The following ARHGAP24 variants were observed in gnomAD, a reference collection of about 807,000 sequenced individuals.
ARHGAP24 encodes the protein rho GTPase-activating protein 24.
ARHGAP24 carries 50 observed loss-of-function variants against 76.4 expected under a neutral mutation model. That is an observed-to-expected ratio of 0.65 (90% CI 0.52 to 0.83). The LOEUF is 0.83. Among genes scored for constraint, ARHGAP24 ranks in the 40% least tolerant of loss-of-function variants. ARHGAP24 has a pLI of 0.00. For missense variants in ARHGAP24, 930 were observed against 914.2 expected, an observed-to-expected ratio of 1.02 and a Z score of -0.22; for synonymous variants, 345 against 323.3, an observed-to-expected ratio of 1.07 and a Z score of -0.72.
intron 2 of ARHGAP24, among the ~76,000 whole-genome samples, chr4:85,607,590 A>T (rs1428076192): frequency 2.6e-5 from 4 of 151,828 alleles, no homozygotes; most frequent in African/African-American, 9.7e-5. Flanking sequence ...ATTTAGCTAT[A>T]TTCACATATA....
At chr4:85,973,163 A>C (rs1182822771) in intron 6 of ARHGAP24, among the ~76,000 whole-genome samples, 1 of 152,202 alleles carries the variant, frequency 6.6e-6, no homozygotes, top group African/African-American at 2.4e-5. Context: ...ATGAGCGCAG[A>C]TTCTGATTTC....
chr4:85,670,286 A>G (rs61051714), intron 2 of ARHGAP24, among the ~76,000 whole-genome samples: 2,850 of 152,276 alleles, frequency 0.019, 87 homozygotes, highest in African/African-American at 0.063. Flanking sequence ...GTTAGGATAG[A>G]GTGATTCTGT....
At chr4:85,602,859 T>G (rs2109989359) in intron 2 of ARHGAP24, among the ~76,000 whole-genome samples, 1 of 152,322 alleles carries the variant, frequency 6.6e-6, no homozygotes, top group East Asian at 1.9e-4. Flanking sequence ...CAGTTTGGAT[T>G]TTAGAGAAAA....
intron 2 of ARHGAP24, among the ~76,000 whole-genome samples, chr4:85,711,511 A>G (rs1395701383): frequency 6.6e-6 from 1 of 152,206 alleles, no homozygotes; most frequent in Non-Finnish European, 1.5e-5. Context: ...GAAAACTATT[A>G]AAAGTTTACA....
chr4:85,807,961 C>A (rs1003560257), intron 3 of ARHGAP24, among the ~76,000 whole-genome samples: 1 of 152,088 alleles, frequency 6.6e-6, no homozygotes, highest in Non-Finnish European at 1.5e-5. Flanking sequence ...AATAAATTCA[C>A]CCTCCCTGAG....
intron 3 of ARHGAP24, among the ~76,000 whole-genome samples, chr4:85,738,838 A>G (rs1316590577): frequency 6.6e-6 from 1 of 152,182 alleles, no homozygotes; most frequent in Non-Finnish European, 1.5e-5. Context: ...TTGTCTTGGT[A>G]TCATTTTCAT....
At chr4:85,525,389 T>C (rs1482738441) in intron 1 of ARHGAP24, among the ~76,000 whole-genome samples, 1 of 151,966 alleles carries the variant, frequency 6.6e-6, no homozygotes, top group Non-Finnish European at 1.5e-5. Flanking sequence ...TTTGCATTCT[T>C]TAAGCTCTCC....
intron 2 of ARHGAP24, among the ~76,000 whole-genome samples, chr4:85,622,275 T>C (rs1720747226): frequency 9.2e-6 from 1 of 108,166 alleles, no homozygotes; most frequent in Non-Finnish European, 1.7e-5. Flanking sequence ...GTCCCCGGTG[T>C]GTGATGTTCC....
At chr4:85,539,413 A>G (rs537942499) in intron 1 of ARHGAP24, among the ~76,000 whole-genome samples, 1 of 152,182 alleles carries the variant, frequency 6.6e-6, no homozygotes, top group Non-Finnish European at 1.5e-5. Context: ...TTTTTCAAAC[A>G]ACATTTTAAT....
chr4:85,813,818 T>TTTTA (rs1553932187), intron 3 of ARHGAP24, among the ~76,000 whole-genome samples: 1 of 137,160 alleles, frequency 7.3e-6, no homozygotes, highest in Non-Finnish European at 1.5e-5. Flanking sequence ...TATATTTATT[T>TTTTA]TATATATATA....
chr4:85,694,449 G>T lies in ARHGAP24; in HGVS notation c.181-27436G>T, dbSNP rs554179794. On this transcript the variant is annotated intron_variant, in intron 2 of 9. Coordinates refer to ENST00000395184, the MANE Select transcript of ARHGAP24 (RefSeq NM_001025616.3). ...ACCTTTATCTGTCCTATTCACCACG[G>T]TATACCAAGCATCTAGAGCAGCACA... Among the ~76,000 whole-genome samples the T allele has an allele frequency of 3.3e-5, 5 of 152,234 alleles. No individual in the cohort carries two copies. The South Asian group carries it at 6.2e-4, about 19-fold the overall frequency.
chr4:85,792,252 A>T lies in ARHGAP24; in HGVS notation c.268+70280A>T, dbSNP rs984159632. Among the ~76,000 whole-genome samples the T allele has an allele frequency of 8.5e-5, 13 of 152,284 alleles. 1 individual carries two copies. In the Middle Eastern group the frequency reaches 0.037, roughly 438 times the overall value. ...AACTTTTGACGGTTTTAAAAACTAT[A>T]TTTCAAATAAAACATGATTGTCAGG... is the stretch of plus-strand genomic sequence containing the variant. On this transcript the variant is annotated intron_variant, in intron 3 of 9. Transcript: ENST00000395184.
intron 3 of ARHGAP24, among the ~76,000 whole-genome samples, chr4:85,827,265 A>C (rs898557590): frequency 1.3e-5 from 2 of 152,200 alleles, no homozygotes; most frequent in African/African-American, 4.8e-5. Context: ...GTATGTATGC[A>C]AAATGCAAGA....
intron 3 of ARHGAP24, among the ~76,000 whole-genome samples, chr4:85,833,935 A>G (rs1308207618): frequency 2.0e-5 from 3 of 152,246 alleles, no homozygotes; most frequent in Non-Finnish European, 1.5e-5. Context: ...TTTGAAATCC[A>G]TGAGCAAGTT....
At chr4:85,934,794 C>T (rs145765761) in intron 4 of ARHGAP24, among the ~76,000 whole-genome samples, 1 of 152,282 alleles carries the variant, frequency 6.6e-6, no homozygotes, top group Non-Finnish European at 1.5e-5. Context: ...GGATTATAGG[C>T]GCAAGCCACC....
At chr4:85,683,122 G>GT (rs1381009829) in intron 2 of ARHGAP24, among the ~76,000 whole-genome samples, 1 of 114,646 alleles carries the variant, frequency 8.7e-6, no homozygotes, top group Non-Finnish European at 1.8e-5. Flanking sequence ...GGGGGTGGGG[G>GT]GGGGGTGCGG....
intron 1 of ARHGAP24, among the ~76,000 whole-genome samples, chr4:85,522,020 AGGAAATAGTATATAT>A (rs1724790624): frequency 6.6e-6 from 1 of 152,210 alleles, no homozygotes; most frequent in Non-Finnish European, 1.5e-5. Context: ...TTTAAAAAAC[AGGAAATAGTATATAT>A]CTCAATGTAA....
intron 1 of ARHGAP24, among the ~76,000 whole-genome samples, chr4:85,495,641 C>T (rs948050816): frequency 6.6e-6 from 1 of 151,938 alleles, no homozygotes; most frequent in Non-Finnish European, 1.5e-5. Flanking sequence ...CGTGAGCCAC[C>T]GTGCCTGGCC....
chr4:85,593,020 G>A (rs1415446275), intron 2 of ARHGAP24, among the ~76,000 whole-genome samples: 2 of 151,954 alleles, frequency 1.3e-5, no homozygotes, highest in African/African-American at 4.8e-5. Context: ...TAGTTTTTTA[G>A]GAACCTCCAA....
Sources: gnomAD v4.1 joint callset for allele counts (sites outside exome capture counted in the v4.1 genomes callset) on GRCh38, gnomAD v4.1.1 for gene constraint, MANE v1.5 for transcripts, NCBI Gene and HGNC (gene_info 2026-07-23, HGNC 2026-07-21) for gene names.